Variants in TRIM38 observed in about 807,000 individuals in gnomAD.
The protein encoded by TRIM38 is E3 ubiquitin-protein ligase TRIM38.
Under a neutral mutation model 35.8 loss-of-function variants are expected in TRIM38, and 35 were observed. The ratio of observed to expected loss-of-function variants is 0.98; its 90% CI spans 0.75 to 1.30. The LOEUF is 1.30. TRIM38 is among the 50% of genes most tolerant of loss of function. TRIM38 has a pLI of 0.00. For missense variants in TRIM38, 545 were observed against 556.9 expected (o/e 0.98, Z 0.21); for synonymous variants, 198 against 204.7 (o/e 0.97, Z 0.28).
Position 25,990,962 on chromosome 6 carries a change from T to C in TRIM38, c.*7275T>C, listed in dbSNP as rs745383000. On this transcript the variant is annotated 3_prime_UTR_variant, in exon 8 of 8. Transcript: ENST00000357085. The stretch of plus-strand genomic sequence containing the variant: ...TAGGAGAGTAATTCTGTTTTTCTGA[T>C]AGAGAATAGAAGAGTCCTTCAGGCC... 4.6e-5 allele frequency: 7 copies of C among 152,168 alleles called. No homozygotes were observed. Among genetic ancestry groups the C allele is most frequent in the Non-Finnish European group, 8.8e-5 (6 of 68,034 alleles). The allele number at this position is 152,168 out of a possible 1,614,324, so 9.4% of individuals were successfully genotyped here.
At chr6:25,972,479 A>G (rs968703083) in intron 5 of TRIM38, among the ~76,000 whole-genome samples, 21 of 152,208 alleles carry the variant, frequency 1.4e-4, no homozygotes, top group Non-Finnish European at 1.0e-4. Context: ...CAGAGCTGTT[A>G]TGGTACAATC....
chr6:25,983,516 C>T lies in TRIM38; in HGVS notation c.1227C>T (p.Pro409=). Residue 409 remains proline, a synonymous_variant, in exon 8 of 8, where the codon CCC becomes CCT. Transcript: ENST00000357085. ...CTTCCCTTCATCTGCATGAGCAGCC[C>T]CTGCTTGTGGGAATTTTTCTGGACT... is the stretch of plus-strand genomic sequence containing the variant. ...PPTSLHLHEQ[P]LLVGIFLDYE... is the part of the protein sequence containing the mutation. 1 of 1,614,060 alleles carries T rather than the reference C, an allele frequency of 6.2e-7. No homozygotes were observed. The highest frequency in any genetic ancestry group is 8.5e-7 in the Non-Finnish European group (1 of 1,180,030).
chr6:25,990,423 C>T lies in TRIM38; in HGVS notation c.*6736C>T, dbSNP rs1394487749. ...GCCTAGGCTCAAGTCATCCTCCCACCTCAGCCTCCAGAATGGCTGGGACTA... is the reference window on the plus strand; with the variant it reads ...GCCTAGGCTCAAGTCATCCTCCCACTTCAGCCTCCAGAATGGCTGGGACTA... On this transcript the variant is annotated 3_prime_UTR_variant, in exon 8 of 8. Coordinates refer to ENST00000357085, the MANE Select transcript of TRIM38 (RefSeq NM_006355.5). The T allele has an allele frequency of 2.6e-5, 4 of 152,250 alleles. No individual in the cohort carries two copies. In the South Asian group the frequency reaches 8.3e-4, roughly 31 times the overall value. 9.4% of individuals were successfully genotyped at this position (152,250 alleles called of 1,614,324 possible).
At chr6:25,978,510 G>A (rs1383966570) in intron 7 of TRIM38, among the ~76,000 whole-genome samples, 3 of 151,834 alleles carry the variant, frequency 2.0e-5, no homozygotes, top group African/African-American at 7.3e-5. Context: ...ATTACTGTGT[G>A]TATATATTTG....
At position 25,973,165 on chromosome 6, in the gene TRIM38, T is replaced by A; in HGVS notation, c.762-8T>A. The A allele has an allele frequency of 6.2e-7, 1 of 1,614,170 alleles. No individual in the cohort carries two copies. The highest frequency in any genetic ancestry group is 8.5e-7 in the Non-Finnish European group (1 of 1,179,994). The stretch of plus-strand genomic sequence containing the variant: ...TCTGAAGAAATCTCTCGCCTCTGCT[T>A]ATTCTAGGAGTTGGGCTGTGAAGCT... On this transcript the variant is annotated splice_polypyrimidine_tract_variant and splice_region_variant and intron_variant, in intron 6 of 7. Transcript: ENST00000357085.
chr6:25,963,684 T>G (rs1465793080), intron 2 of TRIM38, among the ~76,000 whole-genome samples: 1 of 152,224 alleles, frequency 6.6e-6, no homozygotes, highest in African/African-American at 2.4e-5. Flanking sequence ...CTCTGCAGCC[T>G]TCTTTCCAAT....
Position 25,973,242 on chromosome 6 carries a change from C to T in TRIM38, c.831C>T (p.Ser277=). 6.2e-7 allele frequency: 1 copy of T among 1,614,088 alleles called. No homozygotes were observed. Among genetic ancestry groups the T allele is most frequent in the Non-Finnish European group, 8.5e-7 (1 of 1,180,032 alleles). ...AACTTCATACTATGTGCAATGTTTCCAAGCTTTACTTCGATGTGAAGAAAA... is the reference window on the plus strand; with the variant it reads ...AACTTCATACTATGTGCAATGTTTCTAAGCTTTACTTCGATGTGAAGAAAA... ...SLELHTMCNV[S]KLYFDVKKML... Residue 277 remains serine, a synonymous_variant, in exon 7 of 8, where the codon TCC becomes TCT. Coordinates refer to ENST00000357085, the MANE Select transcript of TRIM38 (RefSeq NM_006355.5).
Position 25,984,199 on chromosome 6 carries a change from T to G in TRIM38, c.*512T>G, listed in dbSNP as rs1473630977. ...CCTGGAGGCTACCAGACTTACTGAGTTCTACCTGAGAAACAGCCAAGCAAA... is the reference window on the plus strand; with the variant it reads ...CCTGGAGGCTACCAGACTTACTGAGGTCTACCTGAGAAACAGCCAAGCAAA... On this transcript the variant is annotated 3_prime_UTR_variant, in exon 8 of 8. Transcript: ENST00000357085. 1 of 152,676 alleles carries G rather than the reference T, an allele frequency of 6.5e-6. No individual in the cohort carries two copies. Among genetic ancestry groups the G allele is most frequent in the African/African-American group, 2.4e-5 (1 of 41,458 alleles). The allele number at this position is 152,676 out of a possible 1,614,324, so 9.5% of individuals were successfully genotyped here.
rs1452273332 is a variant in TRIM38 at position 25,984,985 on chromosome 6, G to C, written c.*1298G>C. On this transcript the variant is annotated 3_prime_UTR_variant, in exon 8 of 8. Transcript: ENST00000357085. ...CTCTGCCTAAGGGAGATATAAAAGA[G>C]TTCAAACTATTGCCCATGTTCCCCA... The C allele has an allele frequency of 6.6e-6, 1 of 152,316 alleles. No homozygotes were observed. 9.4% of individuals were successfully genotyped at this position (152,316 alleles called of 1,614,324 possible).
At chr6:25,967,440 C>T (rs1478494289) in intron 3 of TRIM38, among the ~76,000 whole-genome samples, 7 of 149,556 alleles carry the variant, frequency 4.7e-5, no homozygotes, top group South Asian at 4.2e-4. Flanking sequence ...CTGAAGGACA[C>T]GTAAAAATTG....
At position 25,966,741 on chromosome 6, in the gene TRIM38, C is replaced by T. The variant is rs775444865; in HGVS notation, c.219C>T (p.Pro73=). 6.2e-7 allele frequency: 1 copy of T among 1,614,120 alleles called. No homozygotes were observed. Among genetic ancestry groups the T allele is most frequent in the African/African-American group, 1.3e-5 (1 of 75,030 alleles). Residue 73 remains proline, a synonymous_variant, in exon 3 of 8, where the codon CCC becomes CCT. Transcript: ENST00000357085. The stretch of plus-strand genomic sequence containing the variant: ...CATTTCATATGGATAGCCTCCGACC[C>T]AACAAGCAGCTGGGAAGCCTCATTG... ...RAPFHMDSLR[P]NKQLGSLIEA...
At position 25,986,597 on chromosome 6, in the gene TRIM38, T is replaced by C. The variant is rs1215385905; in HGVS notation, c.*2910T>C. ...AAAAAGAAGATGATTTTATGGCTGA[T>C]TTTTTTTTTAAGGAAAAGCAATTCA... On this transcript the variant is annotated 3_prime_UTR_variant, in exon 8 of 8. Coordinates refer to ENST00000357085, the MANE Select transcript of TRIM38 (RefSeq NM_006355.5). 1 of 148,486 alleles carries C rather than the reference T, an allele frequency of 6.7e-6. No individual in the cohort carries two copies. Among genetic ancestry groups the C allele is most frequent in the African/African-American group, 2.5e-5 (1 of 40,526 alleles). 9.2% of individuals were successfully genotyped at this position (148,486 alleles called of 1,614,324 possible).
intron 7 of TRIM38, among the ~76,000 whole-genome samples, chr6:25,981,132 A>G (rs1177312480): frequency 6.6e-6 from 1 of 152,240 alleles, no homozygotes; most frequent in Non-Finnish European, 1.5e-5. Flanking sequence ...CTCAAGTGGC[A>G]GGTGTAGGGA....
At chr6:25,968,380 C>T (rs544291749) in intron 3 of TRIM38, among the ~76,000 whole-genome samples, 7 of 152,232 alleles carry the variant, frequency 4.6e-5, no homozygotes, top group Admixed American at 1.3e-4. Context: ...ATTTTGGGCA[C>T]GTTACTTAAT....
chr6:25,978,897 G>C (rs1760471056), intron 7 of TRIM38, among the ~76,000 whole-genome samples: 1 of 151,808 alleles, frequency 6.6e-6, no homozygotes, highest in African/African-American at 2.4e-5. Context: ...CAAACTCTTG[G>C]ACTCAAGTGA....
At chr6:25,968,357 T>A (rs1300777365) in intron 3 of TRIM38, among the ~76,000 whole-genome samples, 1 of 152,164 alleles carries the variant, frequency 6.6e-6, no homozygotes, top group East Asian at 1.9e-4. Context: ...TTTTGTCACT[T>A]ACTAGATGGG....
intron 7 of TRIM38, 92 bp downstream of exon 7, chr6:25,973,377 C>T: frequency 6.6e-7 from 1 of 1,520,492 alleles, no homozygotes; most frequent in Non-Finnish European, 8.8e-7. Context: ...AGGCTCACAG[C>T]CAGAGAGGTT....
chr6:25,971,277 T>C (rs530544254), intron 4 of TRIM38, among the ~76,000 whole-genome samples: 3 of 152,244 alleles, frequency 2.0e-5, no homozygotes, highest in South Asian at 2.1e-4. Context: ...AGAAAATTAA[T>C]TGGGTGACTA....
rs373187399 is a variant in TRIM38 at position 25,969,387 on chromosome 6, G to T, written c.474G>T (p.Lys158Asn). The change falls in exon 4 of 8, where the codon AAG (lysine) becomes AAT (asparagine). Residue 158 changes from lysine to asparagine, a missense_variant. Coordinates refer to ENST00000357085, the MANE Select transcript of TRIM38 (RefSeq NM_006355.5). Reference protein sequence around the residue: ...KQLEDRCTEQKLSTAMRITKW... With the variant: ...KQLEDRCTEQNLSTAMRITKW... ...TTGAAGACAGATGTACGGAGCAGAA[G>T]CTGTCCACAGCAATGCGAATAACTA... 7 of 1,611,514 alleles carry T rather than the reference G, an allele frequency of 4.3e-6. No individual in the cohort carries two copies. The highest frequency in any genetic ancestry group is 5.9e-6 in the Non-Finnish European group (7 of 1,178,796).
Sources: gnomAD v4.1 joint callset for allele counts (sites outside exome capture counted in the v4.1 genomes callset) on GRCh38, gnomAD v4.1.1 for gene constraint, MANE v1.5 for transcripts, NCBI Gene and HGNC (gene_info 2026-07-23, HGNC 2026-07-21) for gene names.